Variants in ITPR1 observed in about 807,000 individuals in gnomAD.
The protein encoded by ITPR1 is inositol 1,4,5-trisphosphate-gated calcium channel ITPR1.
Under a neutral mutation model 318.4 loss-of-function variants are expected in ITPR1, and 96 were observed. That is an observed-to-expected ratio of 0.30 (90% CI 0.26 to 0.36). The LOEUF (loss-of-function observed/expected upper bound fraction) is 0.36. Ranked by LOEUF, ITPR1 falls within the 10% of genes least tolerant of loss-of-function variation. The pLI is 1.00. For synonymous variants in ITPR1, 1,312 were observed against 1,289.9 expected (o/e 1.02, Z -0.37); for missense variants, 2,440 against 3,460.2 (o/e 0.71, Z 7.40).
intron 41 of ITPR1, among the ~76,000 whole-genome samples, chr3:4,726,841 ACTT>A (rs1348196567): frequency 2.0e-5 from 3 of 152,136 alleles, no homozygotes; most frequent in Admixed American, 2.0e-4. Flanking sequence ...ATAATATAGA[ACTT>A]CTTTTTCATG....
chr3:4,769,968 C>G (rs78998625), intron 46 of ITPR1, among the ~76,000 whole-genome samples: 2,472 of 152,254 alleles, frequency 0.016, 68 homozygotes, highest in African/African-American at 0.056. Flanking sequence ...GTTGCCAACT[C>G]CTGGACCTAG....
intron 4 of ITPR1, among the ~76,000 whole-genome samples, chr3:4,603,141 A>G (rs2091424854): frequency 6.6e-6 from 1 of 152,186 alleles, no homozygotes; most frequent in South Asian, 2.1e-4. Context: ...ATAAAGGGGA[A>G]GGAAATAAGG....
rs563114449 is a variant in ITPR1 at position 4,531,450 on chromosome 3, G to A, written c.163+10356G>A. Among the ~76,000 whole-genome samples the A allele has an allele frequency of 1.2e-4, 19 of 152,172 alleles. No individual in the cohort carries two copies. In the East Asian group the frequency reaches 2.7e-3, roughly 22 times the overall value. ...GTGTGGACACCTCCTCCAATCCACC[G>A]TTTACTGCGGCTAGGGGAATCAGCA... On this transcript the variant is annotated intron_variant, in intron 4 of 61. Coordinates refer to ENST00000649015, the MANE Select transcript of ITPR1 (RefSeq NM_001378452.1).
intron 59 of ITPR1, 32 bp from the exon 60 acceptor site, chr3:4,818,050 C>A: frequency 6.4e-7 from 1 of 1,569,918 alleles, no homozygotes; most frequent in South Asian, 1.2e-5. Context: ...GGCTGCTCAG[C>A]TGGGGCTGGG....
intron 7 of ITPR1, among the ~76,000 whole-genome samples, chr3:4,642,665 T>A (rs2093363872): frequency 6.6e-6 from 1 of 152,184 alleles, no homozygotes; most frequent in Admixed American, 6.5e-5. Flanking sequence ...AGAGTAGAAT[T>A]TGGGATCAGC....
In ITPR1 at chr3:4,512,213, C is replaced by T. The variant is rs553509792; in HGVS notation, c.-16-4263C>T. Among the ~76,000 whole-genome samples, 3 of 152,240 alleles carry T rather than the reference C, an allele frequency of 2.0e-5. No homozygotes were observed. The South Asian group carries it at 6.2e-4, about 32-fold the overall frequency. On this transcript the variant is annotated intron_variant, in intron 2 of 61. Transcript: ENST00000649015. ...CAAACTCCTTGCTTCAAGCCATCCT[C>T]CCACCTTGGCTGTTTAAGATGTGAT...
chr3:4,553,145 G>T (rs1490428135), intron 4 of ITPR1, among the ~76,000 whole-genome samples: 2 of 152,128 alleles, frequency 1.3e-5, no homozygotes, highest in African/African-American at 2.4e-5. Flanking sequence ...AGTTTATTGT[G>T]GTGGGAGGTG....
intron 11 of ITPR1, among the ~76,000 whole-genome samples, chr3:4,652,954 G>T (rs545506379): frequency 6.6e-6 from 1 of 152,126 alleles, no homozygotes; most frequent in Non-Finnish European, 1.5e-5. Flanking sequence ...CACCACTGCA[G>T]TCCAGCTTGG....
chr3:4,841,278 A>G lies in ITPR1; in HGVS notation c.8190+4343A>G, dbSNP rs528127014. Among the ~76,000 whole-genome samples, 95 of 152,306 alleles carry G rather than the reference A, an allele frequency of 6.2e-4. 1 individual carries two copies. Among genetic ancestry groups the G allele is most frequent in the African/African-American group, 2.1e-3 (89 of 41,570 alleles). ...ATGGAGCACAAAGAAGTAGGTAGGT[A>G]GTGGTCCTGTGTGAAGTTTGCAGTG... is the stretch of plus-strand genomic sequence containing the variant. On this transcript the variant is annotated intron_variant, in intron 61 of 61. Coordinates refer to ENST00000649015, the MANE Select transcript of ITPR1 (RefSeq NM_001378452.1).
chr3:4,502,253 T>A (rs1346223962), intron 2 of ITPR1, among the ~76,000 whole-genome samples: 1 of 152,200 alleles, frequency 6.6e-6, no homozygotes, highest in African/African-American at 2.4e-5. Flanking sequence ...GGAAGTTTTT[T>A]ATGATACTTG....
intron 53 of ITPR1, among the ~76,000 whole-genome samples, chr3:4,796,194 C>CCCT (rs2047886352): frequency 6.6e-6 from 1 of 152,128 alleles, no homozygotes; most frequent in Admixed American, 6.5e-5. Context: ...GCCTAAGTTA[C>CCCT]CCTTTTGAGG....
At chr3:4,642,556 A>G (rs1559597004) in intron 7 of ITPR1, among the ~76,000 whole-genome samples, 1 of 152,232 alleles carries the variant, frequency 6.6e-6, no homozygotes, top group Non-Finnish European at 1.5e-5. Flanking sequence ...GGTCCCTGTC[A>G]TTCCAGATCC....
chr3:4,674,187 C>G lies in ITPR1; in HGVS notation c.2457-15C>G. The G allele has an allele frequency of 6.5e-7, 1 of 1,530,680 alleles. No homozygotes were observed. Among genetic ancestry groups the G allele is most frequent in the Non-Finnish European group, 8.8e-7 (1 of 1,141,448 alleles). 94.8% of individuals were successfully genotyped at this position (1,530,680 alleles called of 1,614,324 possible). ...ACTTGAAATTTTGTTTCCTTTCTTT[C>G]TCCTTTCTTTTCAGCTATGATAGTA... On this transcript the variant is annotated splice_polypyrimidine_tract_variant and intron_variant, in intron 21 of 61. Transcript: ENST00000649015.
chr3:4,628,706 G>C (rs2092919604), intron 5 of ITPR1, among the ~76,000 whole-genome samples: 1 of 152,162 alleles, frequency 6.6e-6, no homozygotes, highest in Non-Finnish European at 1.5e-5. Flanking sequence ...AGTTTCTTGA[G>C]GGCCCAGGTC....
At chr3:4,802,063 C>T (rs925402419) in intron 54 of ITPR1, among the ~76,000 whole-genome samples, 7 of 152,070 alleles carry the variant, frequency 4.6e-5, no homozygotes, top group East Asian at 1.9e-4. Flanking sequence ...GCATATTCCA[C>T]GTTGATAAAT....
chr3:4,823,203 C>T (rs1330979138), intron 60 of ITPR1, among the ~76,000 whole-genome samples: 4 of 152,138 alleles, frequency 2.6e-5, no homozygotes, highest in African/African-American at 9.7e-5. Flanking sequence ...CTAGATGCTG[C>T]ACCCTGGGCA....
intron 53 of ITPR1, 125 bp downstream of exon 53, chr3:4,795,312 A>T (rs1341832152): frequency 2.0e-5 from 16 of 787,586 alleles, no homozygotes; most frequent in Non-Finnish European, 2.8e-5. Flanking sequence ...ACATTCAGAC[A>T]AGAGGAGATT....
chr3:4,563,214 A>G (rs561776645), intron 4 of ITPR1, among the ~76,000 whole-genome samples: 56 of 152,286 alleles, frequency 3.7e-4, no homozygotes, highest in Admixed American at 1.7e-3. Flanking sequence ...AGTCAAGACC[A>G]TGTAAAAATT....
chr3:4,579,084 C>G (rs908218028), intron 4 of ITPR1, among the ~76,000 whole-genome samples: 1 of 152,188 alleles, frequency 6.6e-6, no homozygotes, highest in Non-Finnish European at 1.5e-5. Context: ...ATTGACTTAA[C>G]GTAGCAGGCT....
Sources: gnomAD v4.1 joint callset for allele counts (sites outside exome capture counted in the v4.1 genomes callset) on GRCh38, gnomAD v4.1.1 for gene constraint, MANE v1.5 for transcripts, NCBI Gene and HGNC (gene_info 2026-07-23, HGNC 2026-07-21) for gene names.